Variants in PCSK6 observed in about 807,000 individuals in gnomAD.
The protein encoded by PCSK6 is paired basic amino acid cleaving enzyme 4.
In PCSK6, 85 loss-of-function variants were observed where a neutral mutation model predicts 123.3. That is an observed-to-expected ratio of 0.69 (90% confidence interval 0.58 to 0.83). The LOEUF (loss-of-function observed/expected upper bound fraction) is 0.83, where lower values mean the gene tolerates loss of function less well. Ranked by LOEUF, PCSK6 falls within the 40% of genes least tolerant of loss-of-function variation. The pLI, the probability that PCSK6 is intolerant of heterozygous loss-of-function variation, is 0.00. For missense variants in PCSK6, 1,191 were observed against 1,282.3 expected (o/e 0.93, Z 1.09); for synonymous variants, 508 against 516.0 (o/e 0.98, Z 0.21).
rs147254207 is a variant in PCSK6, at chr15:101,310,526, G to T, written c.2699+2850C>A. Among the ~76,000 whole-genome samples, 891 of 152,360 alleles carry T rather than the reference G, an allele frequency of 5.8e-3. 8 individuals carry two copies. The highest frequency in any genetic ancestry group is 8.2e-3 in the Non-Finnish European group (556 of 68,024). ...TAATTATCTGAGAACCAGCTGACTG[G>T]TTACCATGAAGGGTTTAACTTCAGA... On this transcript the variant is annotated intron_variant, in intron 20 of 21. Coordinates refer to ENST00000611716, the MANE Select transcript of PCSK6 (RefSeq NM_002570.5).
At chr15:101,469,553 G>A (rs1042804820) in intron 1 of PCSK6, among the ~76,000 whole-genome samples, 1 of 152,166 alleles carries the variant, frequency 6.6e-6, no homozygotes, top group East Asian at 1.9e-4. Context: ...CAGGCAAGAG[G>A]GTCCTCTTTT....
At chr15:101,474,712 G>T (rs1022730997) in intron 1 of PCSK6, among the ~76,000 whole-genome samples, 2 of 152,074 alleles carry the variant, frequency 1.3e-5, no homozygotes, top group African/African-American at 4.8e-5. Context: ...AGCCCTCCAG[G>T]CAATACTGCC....
At chr15:101,374,269 A>G (rs897037097) in intron 11 of PCSK6, among the ~76,000 whole-genome samples, 3 of 148,682 alleles carry the variant, frequency 2.0e-5, no homozygotes, top group African/African-American at 7.5e-5. Context: ...CAGACCACAG[A>G]TATGTTGGCC....
At chr15:101,403,195 C>T in intron 6 of PCSK6, among the ~76,000 whole-genome samples, 1 of 145,332 alleles carries the variant, frequency 6.9e-6, no homozygotes, top group African/African-American at 2.6e-5. Flanking sequence ...ACCGCATGTT[C>T]TCACTCATAG....
At chr15:101,409,240 G>A (rs1399288132) in intron 6 of PCSK6, among the ~76,000 whole-genome samples, 7 of 151,952 alleles carry the variant, frequency 4.6e-5, no homozygotes, top group South Asian at 2.1e-4. Flanking sequence ...GGCGGATCAC[G>A]AGGTCAGGAG....
At chr15:101,434,901 C>A (rs1273964454) in intron 2 of PCSK6, among the ~76,000 whole-genome samples, 1 of 152,170 alleles carries the variant, frequency 6.6e-6, no homozygotes, top group Non-Finnish European at 1.5e-5. Context: ...CTACCCACCA[C>A]AAAGAGAAAG....
At chr15:101,317,352 G>A (rs2040015025) in intron 19 of PCSK6, among the ~76,000 whole-genome samples, 1 of 152,180 alleles carries the variant, frequency 6.6e-6, no homozygotes, top group Admixed American at 6.5e-5. Context: ...CAGACTGATG[G>A]TGCACTTCAA....
intron 1 of PCSK6, among the ~76,000 whole-genome samples, chr15:101,482,463 C>T (rs370855157): frequency 1.3e-5 from 2 of 152,160 alleles, no homozygotes; most frequent in Non-Finnish European, 1.5e-5. Flanking sequence ...GGAGAGGTGT[C>T]GGCAGCCTGG....
chr15:101,403,040 G>T (rs2042641413), intron 6 of PCSK6, among the ~76,000 whole-genome samples: 1 of 152,104 alleles, frequency 6.6e-6, no homozygotes, highest in Admixed American at 6.5e-5. Context: ...AACAATGATA[G>T]ACTGGATTAA....
chr15:101,468,176 G>A (rs2057512395), intron 1 of PCSK6, among the ~76,000 whole-genome samples: 1 of 152,170 alleles, frequency 6.6e-6, no homozygotes, highest in African/African-American at 2.4e-5. Flanking sequence ...TCTGTGATGT[G>A]GAGACAGGGA....
intron 6 of PCSK6, among the ~76,000 whole-genome samples, chr15:101,419,142 GA>G (rs1410626932): frequency 6.6e-6 from 1 of 151,758 alleles, no homozygotes; most frequent in East Asian, 1.9e-4. Context: ...ATATTAAAGA[GA>G]TAAAACCACC....
intron 6 of PCSK6, among the ~76,000 whole-genome samples, chr15:101,420,015 C>T (rs552457809): frequency 6.6e-6 from 1 of 151,634 alleles, no homozygotes; most frequent in South Asian, 2.1e-4. Flanking sequence ...AGTGAAACAC[C>T]GTCTTTACAT....
At chr15:101,370,639 G>GC in intron 11 of PCSK6, 116 bp from the exon 12 acceptor site, 1 of 979,912 alleles carries the variant, frequency 1.0e-6, no homozygotes, top group Non-Finnish European at 1.4e-6. Flanking sequence ...GGGCCCTGCG[G>GC]GCCCCGGGGA....
intron 7 of PCSK6, among the ~76,000 whole-genome samples, chr15:101,395,818 G>A (rs1002657028): frequency 2.6e-5 from 4 of 152,182 alleles, no homozygotes; most frequent in Non-Finnish European, 5.9e-5. Context: ...CCACCTGGAC[G>A]CGGCCAGTGT....
chr15:101,420,795 C>T (rs370256317), intron 6 of PCSK6, among the ~76,000 whole-genome samples: 4 of 152,254 alleles, frequency 2.6e-5, no homozygotes, highest in East Asian at 1.9e-4. Flanking sequence ...GACCAGTGAC[C>T]GCACAGGGGT....
chr15:101,372,071 G>A (rs549621360), intron 11 of PCSK6, among the ~76,000 whole-genome samples: 3 of 152,288 alleles, frequency 2.0e-5, no homozygotes, highest in East Asian at 3.9e-4. Context: ...CCCCAAGGCT[G>A]TTTCTGTGTC....
intron 11 of PCSK6, among the ~76,000 whole-genome samples, chr15:101,373,921 C>T (rs2041657437): frequency 6.6e-6 from 1 of 152,150 alleles, no homozygotes; most frequent in Non-Finnish European, 1.5e-5. Flanking sequence ...CTTAAAGTCC[C>T]CAAAGTAACT....
intron 1 of PCSK6, among the ~76,000 whole-genome samples, chr15:101,466,542 C>T (rs189528103): frequency 1.2e-4 from 19 of 152,282 alleles, no homozygotes; most frequent in South Asian, 4.2e-4. Context: ...ACAACTTGCA[C>T]GTGAATATCC....
intron 1 of PCSK6, among the ~76,000 whole-genome samples, chr15:101,448,396 G>A (rs2056947496): frequency 6.6e-6 from 1 of 152,020 alleles, no homozygotes; most frequent in African/African-American, 2.4e-5. Flanking sequence ...AAAAAATATA[G>A]GTAATATGTG....
Sources: allele counts gnomAD v4.1 joint callset (sites outside exome capture counted in the v4.1 genomes callset), GRCh38; gene constraint gnomAD v4.1.1; transcripts MANE v1.5; gene names NCBI Gene and HGNC (gene_info 2026-07-23, HGNC 2026-07-21).